LRP1B: variants seen among roughly 807,000 people sequenced by gnomAD.
The protein encoded by LRP1B is LDL receptor related protein 1B.
LRP1B carries 217 observed loss-of-function variants against 556.6 expected under a neutral mutation model. The ratio of observed to expected loss-of-function variants is 0.39; its 90% CI spans 0.35 to 0.44. The LOEUF (loss-of-function observed/expected upper bound fraction) is 0.44, where lower values mean the gene tolerates loss of function less well. Ranked by LOEUF, LRP1B falls within the 20% of genes least tolerant of loss-of-function variation. The pLI is 1.00. For synonymous variants in LRP1B, 2,047 were observed against 1,865.8 expected (o/e 1.10, Z -2.50); for missense variants, 5,053 against 5,620.8 (o/e 0.90, Z 3.23).
intron 7 of LRP1B, among the ~76,000 whole-genome samples, chr2:141,145,037 C>T (rs1443142491): frequency 6.6e-6 from 1 of 152,044 alleles, no homozygotes; most frequent in East Asian, 1.9e-4. Context: ...GAAAGAGAAC[C>T]CAAGCTCTTT....
intron 1 of LRP1B, among the ~76,000 whole-genome samples, chr2:141,963,772 G>C (rs888918998): frequency 6.8e-6 from 1 of 146,594 alleles, no homozygotes; most frequent in African/African-American, 2.6e-5. Flanking sequence ...GGAAATAAAG[G>C]GTATTCAGTT....
intron 2 of LRP1B, among the ~76,000 whole-genome samples, chr2:141,572,046 A>T (rs1052213623): frequency 6.6e-6 from 1 of 152,158 alleles, no homozygotes; most frequent in African/African-American, 2.4e-5. Context: ...ATCTAGCAAG[A>T]CAGGCCAACA....
At position 140,607,478 on chromosome 2, in the gene LRP1B, T is replaced by C. The variant is rs369357049; in HGVS notation, c.6800-5839A>G. Among the ~76,000 whole-genome samples the C allele has an allele frequency of 4.6e-5, 7 of 152,068 alleles. No individual in the cohort carries two copies. The South Asian group carries it at 1.2e-3, about 27-fold the overall frequency. On this transcript the variant is annotated intron_variant, in intron 41 of 90. Coordinates refer to ENST00000389484, the MANE Select transcript of LRP1B (RefSeq NM_018557.3). ...TACACAAATGTTCAACAAATGTTCA[T>C]AGCAGCTTTATTTGTAATAACCAAA...
chr2:141,236,570 G>A (rs1683653926), intron 5 of LRP1B, among the ~76,000 whole-genome samples: 1 of 152,054 alleles, frequency 6.6e-6, no homozygotes, highest in African/African-American at 2.4e-5. Flanking sequence ...TAACATGTTG[G>A]ATTATTTAAA....
intron 60 of LRP1B, among the ~76,000 whole-genome samples, chr2:140,461,126 G>A (rs1473789447): frequency 1.3e-5 from 2 of 151,424 alleles, no homozygotes; most frequent in Admixed American, 6.6e-5. Context: ...TCCAGAACAT[G>A]GTTTTGGCTT....
chr2:141,114,793 C>G (rs1214140037), intron 7 of LRP1B, among the ~76,000 whole-genome samples: 1 of 151,806 alleles, frequency 6.6e-6, no homozygotes, highest in Non-Finnish European at 1.5e-5. Context: ...TATAAATTGT[C>G]AGAGGAAAAT....
chr2:141,428,104 G>A (rs1680435008), intron 3 of LRP1B, among the ~76,000 whole-genome samples: 1 of 152,078 alleles, frequency 6.6e-6, no homozygotes, highest in South Asian at 2.1e-4. Context: ...ATTAGAATCT[G>A]ATATCACTAC....
In LRP1B at chr2:141,367,683, C is replaced by T. The variant is rs1159561285; in HGVS notation, c.343+112713G>A. The stretch of plus-strand genomic sequence containing the variant: ...ACTTTTAGTAGAGACAGAGTTTCAT[C>T]TTGTTAGCCAGGATGGTCTCGATCT... On this transcript the variant is annotated intron_variant, in intron 3 of 90. Transcript: ENST00000389484. 2.0e-5 allele frequency among the ~76,000 whole-genome samples: 3 copies of T among 151,632 alleles called. No homozygotes were observed. The East Asian group carries it at 5.8e-4, about 29-fold the overall frequency.
At chr2:141,026,067 C>T (rs937619948) in intron 11 of LRP1B, among the ~76,000 whole-genome samples, 1 of 151,972 alleles carries the variant, frequency 6.6e-6, no homozygotes, top group African/African-American at 2.4e-5. Context: ...CCTAACTCTG[C>T]CTATCAAGAG....
At chr2:141,481,716 C>G (rs1682924718) in intron 2 of LRP1B, among the ~76,000 whole-genome samples, 1 of 152,116 alleles carries the variant, frequency 6.6e-6, no homozygotes, top group Admixed American at 6.6e-5. Flanking sequence ...GAGTGCTTAA[C>G]AGACTGCAGA....
intron 83 of LRP1B, among the ~76,000 whole-genome samples, chr2:140,308,642 C>T (rs1684165173): frequency 6.9e-6 from 1 of 144,122 alleles, no homozygotes; most frequent in African/African-American, 2.5e-5. Context: ...TTATGTATAT[C>T]TAACTAGTTT....
chr2:140,942,735 G>T (rs920950743), intron 20 of LRP1B, among the ~76,000 whole-genome samples: 5 of 151,950 alleles, frequency 3.3e-5, no homozygotes, highest in African/African-American at 1.2e-4. Context: ...AGTAACAATA[G>T]CTAAGGGAAT....
chr2:141,589,479 T>G (rs1687258095), intron 2 of LRP1B, among the ~76,000 whole-genome samples: 1 of 152,200 alleles, frequency 6.6e-6, no homozygotes, highest in Non-Finnish European at 1.5e-5. Context: ...TTCGACTTTC[T>G]TGCTGACACA....
Position 141,078,764 on chromosome 2 carries a change from A to T in LRP1B, c.1014-16491T>A, listed in dbSNP as rs185098898. Among the ~76,000 whole-genome samples, 483 of 152,318 alleles carry T rather than the reference A, an allele frequency of 3.2e-3. 3 individuals carry two copies. Among genetic ancestry groups the T allele is most frequent in the African/African-American group, 0.011 (467 of 41,572 alleles). ...TATCAATAGTGGGTCTACTAACCAG[A>T]ATTTACAAATGGTAAACAAAGACTG... is the stretch of plus-strand genomic sequence containing the variant. On this transcript the variant is annotated intron_variant, in intron 7 of 90. Transcript: ENST00000389484.
intron 25 of LRP1B, among the ~76,000 whole-genome samples, chr2:140,880,545 G>A (rs1693441225): frequency 6.6e-6 from 1 of 152,104 alleles, no homozygotes; most frequent in Admixed American, 6.6e-5. Context: ...CAAAGTGAAT[G>A]TTGGTGGATT....
At chr2:141,354,516 T>G (rs1281485621) in intron 3 of LRP1B, among the ~76,000 whole-genome samples, 1 of 152,088 alleles carries the variant, frequency 6.6e-6, no homozygotes, top group East Asian at 1.9e-4. Flanking sequence ...AAGCAACACA[T>G]TCACAAAACT....
intron 2 of LRP1B, among the ~76,000 whole-genome samples, chr2:141,795,595 A>G (rs1418898585): frequency 6.6e-6 from 1 of 151,928 alleles, no homozygotes; most frequent in African/African-American, 2.4e-5. Context: ...GTTTAAAACT[A>G]TATTACTGGG....
chr2:141,706,087 C>T (rs149718273), intron 2 of LRP1B, among the ~76,000 whole-genome samples: 72 of 152,068 alleles, frequency 4.7e-4, no homozygotes, highest in African/African-American at 1.6e-3. Flanking sequence ...TAGGTAAGCT[C>T]GCATGAATAA....
chr2:141,552,528 C>A (rs7597633), intron 2 of LRP1B, among the ~76,000 whole-genome samples: 42,639 of 151,922 alleles, frequency 0.28, 6,811 homozygotes, highest in East Asian at 0.62. Flanking sequence ...TAATTACCAG[C>A]TACATGAGAT....
Sources: allele counts gnomAD v4.1 joint callset (sites outside exome capture counted in the v4.1 genomes callset), GRCh38; gene constraint gnomAD v4.1.1; transcripts MANE v1.5; gene names NCBI Gene and HGNC (gene_info 2026-07-23, HGNC 2026-07-21).